PRDM2: variants seen among roughly 807,000 people sequenced by gnomAD.
The protein encoded by PRDM2 is PR domain zinc finger protein 2.
PRDM2 carries 30 observed loss-of-function variants against 130.0 expected under a neutral mutation model. The observed-to-expected ratio is 0.23, with a 90% CI of 0.17 to 0.31. The LOEUF is 0.31. PRDM2 is among the 10% of genes least tolerant of loss of function. The pLI, the probability that PRDM2 is intolerant of heterozygous loss-of-function variation, is 1.00. For missense variants in PRDM2, 2,011 were observed against 2,108.4 expected (o/e 0.95, Z 0.90); for synonymous variants, 871 against 782.4 (o/e 1.11, Z -1.89).
intron 2 of PRDM2, among the ~76,000 whole-genome samples, chr1:13,716,260 T>G: frequency 7.4e-6 from 1 of 135,834 alleles, no homozygotes; most frequent in African/African-American, 2.8e-5. Context: ...TGAGATCACA[T>G]GGACACAGGA....
At chr1:13,731,210 C>T (rs2100471161) in intron 3 of PRDM2, 93 bp downstream of exon 3, 1 of 957,446 alleles carries the variant, frequency 1.0e-6, no homozygotes, top group Non-Finnish European at 1.6e-6. Flanking sequence ...GGGAGCGCAC[C>T]ATAAAAGCAG....
At position 13,778,541 on chromosome 1, in the gene PRDM2, A is replaced by T. The variant is rs1161050223; in HGVS notation, c.746A>T (p.Gln249Leu). The T allele has an allele frequency of 2.0e-5, 32 of 1,614,076 alleles. No individual in the cohort carries two copies. The highest frequency in any genetic ancestry group is 2.7e-5 in the Non-Finnish European group (32 of 1,180,048). Residue 249 changes from glutamine to leucine, a missense_variant, in exon 8 of 10, where the codon CAG becomes CTG. Gln to Leu is a moderately radical substitution (Grantham distance 113, BLOSUM62 -2). Around this residue, in one of 5 missense-constraint regions of PRDM2, gnomAD observed 1,288 missense variants for 1,237.7 expected, o/e 1.04. Coordinates refer to ENST00000311066, the MANE Select transcript of PRDM2 (RefSeq NM_001393986.1). ...ACCCCTGCCCCTGCCTGGGAGCCAC[A>T]GCCAGAACCAGACGAGCGATTAGAA... ...LATPAPAWEP[Q>L]PEPDERLEAA...
chr1:13,749,251 A>G, intron 5 of PRDM2, 110 bp from the exon 6 acceptor site: 1 of 1,043,006 alleles, frequency 9.6e-7, no homozygotes, highest in Non-Finnish European at 1.2e-6. Context: ...GGCGCCGCCG[A>G]CAGCTGTTTG....
In PRDM2 at chr1:13,781,131, C is replaced by T; in HGVS notation, c.3336C>T (p.Pro1112=). The part of the protein sequence containing the change: ...QEELENEGLK[P]REEPQSAAEQ... ...AATTAGAGAATGAAGGTCTGAAACC[C>T]AGGGAAGAGCCCCAGTCTGCTGCTG... The change falls in exon 8 of 10, where the codon CCC becomes CCT. Residue 1112 remains proline, a synonymous_variant. Transcript: ENST00000311066. The surrounding 1 kb of genome is among the most constrained non-coding windows in gnomAD (Gnocchi z 6.1). The T allele has an allele frequency of 2.5e-6, 4 of 1,614,128 alleles. No individual in the cohort carries two copies. The highest frequency in any genetic ancestry group is 2.5e-6 in the Non-Finnish European group (3 of 1,180,018).
intron 8 of PRDM2, among the ~76,000 whole-genome samples, chr1:13,814,982 A>G (rs764630897): frequency 6.6e-6 from 1 of 152,208 alleles, no homozygotes; most frequent in Non-Finnish European, 1.5e-5. Context: ...TAGGGATAAT[A>G]ACAGTATCCA....
intron 6 of PRDM2, among the ~76,000 whole-genome samples, chr1:13,763,893 A>G (rs111992884): frequency 2.0e-5 from 3 of 152,304 alleles, no homozygotes; most frequent in African/African-American, 7.2e-5. Flanking sequence ...CTGTGGATAT[A>G]TCGTAGCCTG....
Position 13,778,768 on chromosome 1 carries a change from A to T in PRDM2, c.973A>T (p.Thr325Ser). 1 of 1,614,092 alleles carries T rather than the reference A, an allele frequency of 6.2e-7. No individual in the cohort carries two copies. ...KPEDLLEEPK[T>S]TSEETLEDCS... ...AGAAGATTTATTAGAGGAACCAAAA[A>T]CAACTTCAGAAGAAACTCTTGAAGA... The change falls in exon 8 of 10, where the codon ACA becomes TCA. Residue 325 changes from threonine to serine, a missense_variant. This residue lies in a region of PRDM2 where 1,288 missense variants were observed against 1,237.7 expected (regional missense o/e 1.04). Coordinates refer to ENST00000311066, the MANE Select transcript of PRDM2 (RefSeq NM_001393986.1).
At chr1:13,809,966 C>T (rs1645144860) in intron 8 of PRDM2, among the ~76,000 whole-genome samples, 2 of 152,230 alleles carry the variant, frequency 1.3e-5, no homozygotes, top group African/African-American at 4.8e-5. Flanking sequence ...CTGTCTGTGT[C>T]CTCACATGAC....
chr1:13,760,578 G>A (rs1420638071), intron 6 of PRDM2, among the ~76,000 whole-genome samples: 1 of 152,186 alleles, frequency 6.6e-6, no homozygotes, highest in African/African-American at 2.4e-5. Context: ...CCAGAACATA[G>A]CTTTGGAATT....
At chr1:13,750,795 T>C (rs1643806814) in intron 6 of PRDM2, among the ~76,000 whole-genome samples, 1 of 152,190 alleles carries the variant, frequency 6.6e-6, no homozygotes, top group Non-Finnish European at 1.5e-5. Context: ...TTTTTTAACT[T>C]TTAACTGAGT....
chr1:13,755,021 TGCCTGC>T (rs1374876285), intron 6 of PRDM2, among the ~76,000 whole-genome samples: 1 of 152,150 alleles, frequency 6.6e-6, no homozygotes, highest in Non-Finnish European at 1.5e-5. Context: ...CTCTGGTGGT[TGCCTGC>T]CAGGATGAAC....
chr1:13,744,255 C>G (rs770949909), intron 5 of PRDM2, among the ~76,000 whole-genome samples: 16 of 152,184 alleles, frequency 1.1e-4, no homozygotes, highest in Non-Finnish European at 1.6e-4. Context: ...TAGATCTTGA[C>G]TTGCTGTGAC....
rs1645037827 is a variant in PRDM2 at position 13,803,345 on chromosome 1, C to T, written c.5037-13082C>T. 6.6e-6 allele frequency among the ~76,000 whole-genome samples: 1 copy of T among 152,156 alleles called. No homozygotes were observed. Reference sequence around the variant, plus strand: ...TCTGAGCACCAGCCTTTGCTAGGCCCCGTGGCAGGTTCGATGGGTGAGAAG... The same window carrying T: ...TCTGAGCACCAGCCTTTGCTAGGCCTCGTGGCAGGTTCGATGGGTGAGAAG... On this transcript the variant is annotated intron_variant, in intron 8 of 9. Coordinates refer to ENST00000311066, the MANE Select transcript of PRDM2 (RefSeq NM_001393986.1). This position sits in a 1 kb window ranked among gnomAD's most constrained non-coding sequence, Gnocchi z 6.2.
At chr1:13,754,311 C>T (rs1643899281) in intron 6 of PRDM2, among the ~76,000 whole-genome samples, 2 of 152,146 alleles carry the variant, frequency 1.3e-5, no homozygotes, top group African/African-American at 4.8e-5. Flanking sequence ...CTACAGCAGG[C>T]AGCATCCTCC....
intron 6 of PRDM2, among the ~76,000 whole-genome samples, chr1:13,763,231 A>G (rs1017974110): frequency 6.6e-6 from 1 of 152,242 alleles, no homozygotes; most frequent in Admixed American, 6.5e-5. Flanking sequence ...GATTTAAATA[A>G]TGATGGGTAT....
Position 13,780,338 on chromosome 1 carries a change from T to C in PRDM2, c.2543T>C (p.Leu848Ser). 6.2e-7 allele frequency: 1 copy of C among 1,614,176 alleles called. No individual in the cohort carries two copies. The highest frequency in any genetic ancestry group is 1.1e-5 in the South Asian group (1 of 91,084). The part of the protein sequence containing the change: ...GKTPVQWESV[L>S]DLSVHKKHCS... ...ACTCCAGTCCAGTGGGAATCTGTCT[T>C]AGATCTCAGTGTGCATAAAAAGCAT... is the stretch of plus-strand genomic sequence containing the variant. Residue 848 changes from leucine to serine, a missense_variant, in exon 8 of 10, where the codon TTA (leucine) becomes TCA (serine). Around this residue, in one of 5 missense-constraint regions of PRDM2, gnomAD observed 1,288 missense variants for 1,237.7 expected, o/e 1.04. Transcript: ENST00000311066.
At chr1:13,701,612 C>T (rs926118743) in intron 1 of PRDM2, among the ~76,000 whole-genome samples, 1 of 152,076 alleles carries the variant, frequency 6.6e-6, no homozygotes, top group African/African-American at 2.4e-5. Context: ...ACTTATTGGC[C>T]AAATTTTTAC....
intron 8 of PRDM2, among the ~76,000 whole-genome samples, chr1:13,799,002 G>A (rs935833157): frequency 5.3e-5 from 8 of 152,156 alleles, no homozygotes; most frequent in Admixed American, 3.3e-4. Context: ...CTTCACCGTG[G>A]TGAGTCAGAG....
intron 5 of PRDM2, among the ~76,000 whole-genome samples, chr1:13,744,414 C>T (rs1643540900): frequency 6.6e-6 from 1 of 152,164 alleles, no homozygotes; most frequent in Admixed American, 6.5e-5. Flanking sequence ...ACGGATAGAG[C>T]TCCAGCACCT....
Sources: allele counts gnomAD v4.1 joint callset (sites outside exome capture counted in the v4.1 genomes callset), GRCh38; gene constraint gnomAD v4.1.1; regional missense constraint gnomAD v4.1.1; non-coding constraint Gnocchi (gnomAD v3.1); transcripts MANE v1.5; gene names NCBI Gene and HGNC (gene_info 2026-07-23, HGNC 2026-07-21).